RPS12: variants seen among roughly 807,000 people sequenced by gnomAD.
RPS12 encodes ribosomal protein S12.
Under a neutral mutation model 17.2 loss-of-function variants are expected in RPS12, and 1 was observed. The observed-to-expected ratio is 0.06, with a 90% CI of 0.02 to 0.28. The LOEUF is 0.28. Ranked by LOEUF, RPS12 falls within the 10% of genes least tolerant of loss-of-function variation. RPS12 has a pLI of 1.00. For missense variants in RPS12, 146 were observed against 162.1 expected, an observed-to-expected ratio of 0.90 and a Z score of 0.54; for synonymous variants, 67 against 54.0, an observed-to-expected ratio of 1.24 and a Z score of -1.06.
chr6:132,816,079 C>T (rs1198328314), intron 3 of RPS12: 2 of 370,938 alleles, frequency 5.4e-6, no homozygotes, highest in Non-Finnish European at 5.3e-6. Flanking sequence ...GGTCATCTGC[C>T]CCCCTCGTCT....
At position 132,817,477 on chromosome 6, in the gene RPS12, A is replaced by G. The variant is rs1319065951; in HGVS notation, c.337-3A>G. ...ATTGCATGCGTGTTTTGTTTTTTTT[A>G]AGGACTATGGCAAGGAGTCTCAGGC... On this transcript the variant is annotated splice_polypyrimidine_tract_variant and splice_region_variant and intron_variant, in intron 5 of 5. Transcript: ENST00000230050. The G allele has an allele frequency of 1.3e-6, 2 of 1,589,290 alleles. No individual in the cohort carries two copies. The highest frequency in any genetic ancestry group is 1.7e-5 in the Admixed American group (1 of 59,330).
chr6:132,817,547 A>G lies in RPS12; in HGVS notation c.*5A>G, dbSNP rs1782092403. On this transcript the variant is annotated 3_prime_UTR_variant, in exon 6 of 6. Coordinates refer to ENST00000230050, the MANE Select transcript of RPS12 (RefSeq NM_001016.4). The stretch of plus-strand genomic sequence containing the variant: ...TATTTCAAATGCAAGAAATGAAGAA[A>G]TAAATCTTTGGCTCACATTCCTCAT... 3 of 1,609,320 alleles carry G rather than the reference A, an allele frequency of 1.9e-6. No individual in the cohort carries two copies. The highest frequency in any genetic ancestry group is 1.7e-5 in the Admixed American group (1 of 59,936).
intron 4 of RPS12, 30 bp downstream of exon 4, chr6:132,816,593 A>G (rs746830863): frequency 5.2e-5 from 74 of 1,425,534 alleles, no homozygotes; most frequent in Non-Finnish European, 7.0e-5. Flanking sequence ...TGTTGGGACT[A>G]ATGTTCAGTG....
intron 2 of RPS12, 32 bp downstream of exon 2, chr6:132,814,814 T>G: frequency 1.3e-6 from 2 of 1,599,686 alleles, no homozygotes; most frequent in Non-Finnish European, 1.7e-6. Context: ...GGAGTTGGGG[T>G]CGGGGTGCGG....
chr6:132,816,879 A>G, intron 4 of RPS12, 81 bp from the exon 5 acceptor site: 1 of 962,140 alleles, frequency 1.0e-6, no homozygotes, highest in Non-Finnish European at 1.7e-6. Context: ...GATTACAGCC[A>G]CCTTTTGGGT....
chr6:132,814,601 G>A lies in RPS12; in HGVS notation c.-50G>A. ...CCTGCCGCCGCCGAGTCGCGCGGAG[G>A]CGGAGGCTTGGGGTAAGTTGAGCGA... On this transcript the variant is annotated 5_prime_UTR_variant, in exon 1 of 6. Transcript: ENST00000230050. 1 of 842,806 alleles carries A rather than the reference G, an allele frequency of 1.2e-6. No homozygotes were observed. The highest frequency in any genetic ancestry group is 2.0e-6 in the Non-Finnish European group (1 of 501,038). 52.2% of individuals were successfully genotyped at this position (842,806 alleles called of 1,614,324 possible).
intron 3 of RPS12, chr6:132,815,496 A>C (rs1309426252): frequency 2.4e-6 from 1 of 408,332 alleles, no homozygotes; most frequent in Non-Finnish European, 4.9e-6. Context: ...TTTCAAACTC[A>C]GGTTTCAGAA....
intron 3 of RPS12, chr6:132,815,419 CAGAT>C (rs1562280263): frequency 1.9e-6 from 1 of 528,980 alleles, no homozygotes; most frequent in Admixed American, 2.1e-5. Context: ...ACTTATCTGG[CAGAT>C]AGATGAGATG....
rs758643784 is a variant in RPS12, at chr6:132,817,364, A to G, written c.337-116A>G. 9 of 837,708 alleles carry G rather than the reference A, an allele frequency of 1.1e-5. No individual in the cohort carries two copies. The African/African-American group carries it at 1.3e-4, about 12-fold the overall frequency. The allele number at this position is 837,708 out of a possible 1,614,324, so 51.9% of individuals were successfully genotyped here. Reference sequence around the variant, plus strand: ...GGCTATAACAAATCTTAGTGATGGGAAACATTTTTATAAGACATAGCTAAT... The same window carrying G: ...GGCTATAACAAATCTTAGTGATGGGGAACATTTTTATAAGACATAGCTAAT... On this transcript the variant is annotated intron_variant, in intron 5 of 5. Coordinates refer to ENST00000230050, the MANE Select transcript of RPS12 (RefSeq NM_001016.4).
intron 5 of RPS12, 158 bp downstream of exon 5, chr6:132,817,219 A>G: frequency 1.3e-6 from 1 of 771,828 alleles, no homozygotes; most frequent in Non-Finnish European, 2.3e-6. Flanking sequence ...TGTAATTTAC[A>G]AGCCAGCCAA....
chr6:132,814,726 T>A lies in RPS12; in HGVS notation c.-37-6T>A. 6.2e-7 allele frequency: 1 copy of A among 1,609,254 alleles called. No homozygotes were observed. The highest frequency in any genetic ancestry group is 8.5e-7 in the Non-Finnish European group (1 of 1,175,936). ...TCTTTAACAAGTCAATGCTTTTGTT[T>A]TTTAGTGCGTTCAAGATTCAACTTC... On this transcript the variant is annotated splice_polypyrimidine_tract_variant and splice_region_variant and intron_variant, in intron 1 of 5. Coordinates refer to ENST00000230050, the MANE Select transcript of RPS12 (RefSeq NM_001016.4).
chr6:132,817,202 TAAAAG>T (rs1437145139), intron 5 of RPS12, 141 bp downstream of exon 5: 8 of 777,846 alleles, frequency 1.0e-5, no homozygotes, highest in Non-Finnish European at 1.8e-5. Context: ...AGGAAAAAAA[TAAAAG>T]CTGTAATTTA....
intron 3 of RPS12, chr6:132,815,846 CTTTTT>C (rs557381189): frequency 1.1e-5 from 4 of 380,444 alleles, no homozygotes; most frequent in African/African-American, 7.0e-5. Context: ...TTTCTTTTTT[CTTTTT>C]TTTTTTTGAG....
rs1324465986 is a variant in RPS12 at position 132,814,576 on chromosome 6, C to CCTG, written c.-73_-71dup. 2.3e-5 allele frequency: 17 copies of CCTG among 748,242 alleles called. No homozygotes were observed. The highest frequency in any genetic ancestry group is 2.8e-5 in the Non-Finnish European group (12 of 425,076). 46.4% of individuals were successfully genotyped at this position (748,242 alleles called of 1,614,324 possible). A position where few individuals can be genotyped will look rare whatever the true frequency, so the allele number is the denominator to read the frequency against. ...CATGCGTGCGGATGAGGCCTCTTTC[C>CCTG]CTGCCGCCGCCGAGTCGCGCGGAGG... On this transcript the variant is annotated 5_prime_UTR_variant, in exon 1 of 6. Transcript: ENST00000230050.
chr6:132,817,474 T>C lies in RPS12; in HGVS notation c.337-6T>C, dbSNP rs767944414. The C allele has an allele frequency of 6.3e-7, 1 of 1,594,296 alleles. No individual in the cohort carries two copies. The highest frequency in any genetic ancestry group is 8.6e-7 in the Non-Finnish European group (1 of 1,165,606). On this transcript the variant is annotated splice_polypyrimidine_tract_variant and splice_region_variant and intron_variant, in intron 5 of 5. Coordinates refer to ENST00000230050, the MANE Select transcript of RPS12 (RefSeq NM_001016.4). Reference sequence around the variant, plus strand: ...GAAATTGCATGCGTGTTTTGTTTTTTTTAAGGACTATGGCAAGGAGTCTCA... The same window carrying C: ...GAAATTGCATGCGTGTTTTGTTTTTCTTAAGGACTATGGCAAGGAGTCTCA...
intron 3 of RPS12, chr6:132,815,492 ACT>A: frequency 2.4e-6 from 1 of 413,250 alleles, no homozygotes; most frequent in Non-Finnish European, 4.8e-6. Flanking sequence ...GGAATTTCAA[ACT>A]CAGGTTTCAG....
chr6:132,814,815 C>G, intron 2 of RPS12, 33 bp downstream of exon 2: 1 of 1,593,776 alleles, frequency 6.3e-7, no homozygotes. Context: ...GAGTTGGGGT[C>G]GGGGTGCGGC....
intron 5 of RPS12, 108 bp from the exon 6 acceptor site, chr6:132,817,372 T>A (rs752030767): frequency 2.5e-5 from 21 of 856,754 alleles, no homozygotes. Context: ...GGAAACATTT[T>A]TATAAGACAT....
chr6:132,816,042 C>CT, intron 3 of RPS12: 1 of 403,178 alleles, frequency 2.5e-6, no homozygotes, highest in Non-Finnish European at 5.0e-6. Context: ...ATGTTGGTCT[C>CT]TGGCTGGTCT....
Sources: allele counts gnomAD v4.1 joint callset, GRCh38; gene constraint gnomAD v4.1.1; transcripts MANE v1.5; gene names NCBI Gene and HGNC (gene_info 2026-07-23, HGNC 2026-07-21).